Variants in FIGN observed in about 807,000 individuals in gnomAD.
The protein encoded by FIGN is fidgetin.
Under a neutral mutation model 51.3 loss-of-function variants are expected in FIGN, and 11 were observed. The ratio of observed to expected loss-of-function variants is 0.21; its 90% CI spans 0.13 to 0.35. The LOEUF is 0.35. Among genes scored for constraint, FIGN ranks in the 10% least tolerant of loss-of-function variants. FIGN has a pLI of 1.00. For synonymous variants in FIGN, 407 were observed against 363.2 expected, an observed-to-expected ratio of 1.12 and a Z score of -1.37; for missense variants, 857 against 943.6, an observed-to-expected ratio of 0.91 and a Z score of 1.20.
chr2:163,642,632 C>T (rs1299286444), intron 2 of FIGN, among the ~76,000 whole-genome samples: 1 of 152,070 alleles, frequency 6.6e-6, no homozygotes, highest in Admixed American at 6.6e-5. Context: ...CATTATGGAT[C>T]CTACCAAAAC....
rs766578615 is a variant in FIGN, at chr2:163,610,407, C to G, written c.1425G>C (p.Glu475Asp). 1.5e-5 allele frequency: 25 copies of G among 1,614,146 alleles called. No homozygotes were observed. The highest frequency in any genetic ancestry group is 3.3e-5 in the South Asian group (3 of 91,074). Residue 475 changes from glutamate to aspartate, a missense_variant, in exon 3 of 3, where the codon GAG becomes GAC. By Grantham distance (45) the Glu-to-Asp change is conservative. Around this residue, in one of 3 missense-constraint regions of FIGN, gnomAD observed 799 missense variants for 849.5 expected, o/e 0.94. Transcript: ENST00000333129. ...CCACTGGAGGTCCTTGGGTGATAAT[C>G]TCATTGGTTACCAGGTCGATGAGGT... ...DTHLIDLVTNEIITQGPPVDW... is the reference protein window; with the variant it reads ...DTHLIDLVTNDIITQGPPVDW...
At chr2:163,652,918 G>C (rs144788516) in intron 2 of FIGN, among the ~76,000 whole-genome samples, 1 of 152,066 alleles carries the variant, frequency 6.6e-6, no homozygotes. Flanking sequence ...TTACTATAGC[G>C]TGAGGAATAC....
chr2:163,616,739 T>C (rs1381103147), intron 2 of FIGN, among the ~76,000 whole-genome samples: 1 of 152,184 alleles, frequency 6.6e-6, no homozygotes, highest in East Asian at 1.9e-4. Context: ...AGGGTTTCTC[T>C]GAAAAACAAT....
rs560733915 is a variant in FIGN, at chr2:163,733,024, A to C, written c.25+1879T>G. On this transcript the variant is annotated intron_variant, in intron 2 of 2. Transcript: ENST00000333129. ...TTGAGACAAACAAAATCTAAAAATAATCAGAGTAAAGAATTAGAAAACAAG... is the reference window on the plus strand; with the variant it reads ...TTGAGACAAACAAAATCTAAAAATACTCAGAGTAAAGAATTAGAAAACAAG... Among the ~76,000 whole-genome samples, 4 of 152,330 alleles carry C rather than the reference A, an allele frequency of 2.6e-5. No homozygotes were observed. The South Asian group carries it at 8.3e-4, about 32-fold the overall frequency.
rs1478173225 is a variant in FIGN, at chr2:163,610,229, A to G, written c.1603T>C (p.Leu535=). The change falls in exon 3 of 3, where the codon TTG becomes CTG. Residue 535 remains leucine (L), a synonymous_variant. Transcript: ENST00000333129. ...FGPRGTGKTL[L]GRCIASQLGA... is the part of the protein sequence containing the mutation. ...AGCTGACTAGCGATGCATCTGCCCA[A>G]TAATGTTTTGCCTGTCCCCCGAGGT... is the stretch of plus-strand genomic sequence containing the variant. The G allele has an allele frequency of 1.2e-6, 2 of 1,613,994 alleles. No homozygotes were observed. Among genetic ancestry groups the G allele is most frequent in the African/African-American group, 1.3e-5 (1 of 74,928 alleles).
chr2:163,708,645 T>G (rs902220384), intron 2 of FIGN, among the ~76,000 whole-genome samples: 13 of 152,178 alleles, frequency 8.5e-5, no homozygotes, highest in African/African-American at 2.9e-4. Flanking sequence ...TTAAAAAGTT[T>G]CAAATGCTTA....
intron 2 of FIGN, among the ~76,000 whole-genome samples, chr2:163,642,523 G>A (rs1683320203): frequency 6.6e-6 from 1 of 152,118 alleles, no homozygotes; most frequent in East Asian, 1.9e-4. Context: ...TGGGAAAGTG[G>A]GTGAGTGCTT....
intron 2 of FIGN, among the ~76,000 whole-genome samples, chr2:163,687,598 A>G (rs1311457238): frequency 6.6e-6 from 1 of 152,232 alleles, no homozygotes; most frequent in Non-Finnish European, 1.5e-5. Flanking sequence ...ACAGTCAAGA[A>G]TAGAGAATTT....
Position 163,735,048 on chromosome 2 carries a change from C to G in FIGN, c.-121G>C. 1 of 952,302 alleles carries G rather than the reference C, an allele frequency of 1.1e-6. No individual in the cohort carries two copies. The highest frequency in any genetic ancestry group is 1.6e-6 in the Non-Finnish European group (1 of 626,530). The allele number at this position is 952,302 out of a possible 1,614,324, so 59.0% of individuals were successfully genotyped here. On this transcript the variant is annotated 5_prime_UTR_variant, in exon 2 of 3. Coordinates refer to ENST00000333129, the MANE Select transcript of FIGN (RefSeq NM_018086.4). ...AAATGTCACTGCCTTGAAACGTGGG[C>G]CCTTTCGTCAGGTATTCATTTAACC...
At chr2:163,669,837 G>T (rs1287017961) in intron 2 of FIGN, among the ~76,000 whole-genome samples, 1 of 152,058 alleles carries the variant, frequency 6.6e-6, no homozygotes, top group Non-Finnish European at 1.5e-5. Context: ...TCTTCTAATT[G>T]CTGAGGACTT....
rs752658889 is a variant in FIGN, at chr2:163,611,036, C to G, written c.796G>C (p.Gly266Arg). Residue 266 changes from glycine (G) to arginine (R), a missense_variant, in exon 3 of 3, where the codon GGG (glycine) becomes CGG (arginine). Gly to Arg is a moderately radical substitution (Grantham distance 125). Coordinates refer to ENST00000333129, the MANE Select transcript of FIGN (RefSeq NM_018086.4). ...TAVGSGYSPG[G>R]APPPPSAYLP... ...TACGCTGAAGGCGGAGGCGGTGCCC[C>G]CCCAGGGCTGTACCCAGACCCCACA... 2 of 1,613,848 alleles carry G rather than the reference C, an allele frequency of 1.2e-6. No homozygotes were observed. The highest frequency in any genetic ancestry group is 2.7e-5 in the African/African-American group (2 of 74,996).
chr2:163,618,492 C>T (rs190121473), intron 2 of FIGN, among the ~76,000 whole-genome samples: 75 of 151,910 alleles, frequency 4.9e-4, no homozygotes, highest in African/African-American at 1.6e-3. Flanking sequence ...ACCTCACCCT[C>T]TTACAGAGAA....
chr2:163,639,404 CA>C (rs1401632603), intron 2 of FIGN, among the ~76,000 whole-genome samples: 7 of 152,070 alleles, frequency 4.6e-5, no homozygotes, highest in Non-Finnish European at 7.4e-5. Context: ...CTTTATTGTG[CA>C]GATTAAAGGC....
chr2:163,635,910 T>C (rs1027917673), intron 2 of FIGN, among the ~76,000 whole-genome samples: 10 of 152,280 alleles, frequency 6.6e-5, no homozygotes, highest in South Asian at 2.1e-4. Context: ...TTAACATAAC[T>C]TGGATTAAAA....
At chr2:163,612,698 G>GTGTA in intron 2 of FIGN, 1 of 425,262 alleles carries the variant, frequency 2.4e-6, no homozygotes, top group Non-Finnish European at 3.1e-6. Flanking sequence ...GAGAATGTGT[G>GTGTA]TGTGTGTGTG....
rs761711729 is a variant in FIGN, at chr2:163,663,236, GT to G, written c.26-51431del. Among the ~76,000 whole-genome samples the G allele has an allele frequency of 1.9e-3, 279 of 144,868 alleles. 1 individual carries two copies. The highest frequency in any genetic ancestry group is 3.4e-3 in the Admixed American group (50 of 14,494). On this transcript the variant is annotated intron_variant, in intron 2 of 2. Coordinates refer to ENST00000333129, the MANE Select transcript of FIGN (RefSeq NM_018086.4). ...GCACCTGGCCTAAAAAATAATGTTG[GT>G]TTTTTTTTTTTGAAGACTAAGTATA...
chr2:163,625,535 GC>G (rs1240427552), intron 2 of FIGN, among the ~76,000 whole-genome samples: 1 of 151,934 alleles, frequency 6.6e-6, no homozygotes, highest in Non-Finnish European at 1.5e-5. Flanking sequence ...ATGAGAGTTA[GC>G]TAGGCTTCTT....
intron 2 of FIGN, among the ~76,000 whole-genome samples, chr2:163,614,824 A>T (rs551775692): frequency 1.3e-4 from 19 of 151,686 alleles, no homozygotes; most frequent in East Asian, 3.9e-4. Flanking sequence ...TTATTTTTTT[A>T]AAAAAACACA....
chr2:163,654,208 G>T (rs1384429586), intron 2 of FIGN, among the ~76,000 whole-genome samples: 1 of 151,964 alleles, frequency 6.6e-6, no homozygotes, highest in Non-Finnish European at 1.5e-5. Context: ...CATGGAGCTT[G>T]CATTTCGGAA....
Sources: allele counts gnomAD v4.1 joint callset (sites outside exome capture counted in the v4.1 genomes callset), GRCh38; gene constraint gnomAD v4.1.1; regional missense constraint gnomAD v4.1.1; transcripts MANE v1.5; gene names NCBI Gene and HGNC (gene_info 2026-07-23, HGNC 2026-07-21).